GRAMD1B: variants seen among roughly 807,000 people sequenced by gnomAD.
GRAMD1B encodes protein Aster-B.
In GRAMD1B, 37 loss-of-function variants were observed where a neutral mutation model predicts 99.7. The observed-to-expected ratio is 0.37, with a 90% CI of 0.29 to 0.49. The LOEUF is 0.49. Among genes scored for constraint, GRAMD1B ranks in the 20% least tolerant of loss-of-function variants. The pLI is 0.98. For missense variants in GRAMD1B, 888 were observed against 1,009.2 expected (o/e 0.88, Z 1.63); for synonymous variants, 427 against 387.6 (o/e 1.10, Z -1.19).
chr11:123,395,138 A>G (rs574443148), intron 1 of GRAMD1B, among the ~76,000 whole-genome samples: 3 of 152,314 alleles, frequency 2.0e-5, no homozygotes, highest in East Asian at 3.9e-4. Flanking sequence ...TTTAGCCAGG[A>G]TCTCAATGAA....
At chr11:123,480,671 T>C (rs1951546794) in intron 1 of GRAMD1B, 145 bp from the exon 2 acceptor site, 2 of 391,928 alleles carry the variant, frequency 5.1e-6, no homozygotes, top group Non-Finnish European at 9.0e-6. Flanking sequence ...TAACTGTGCA[T>C]TCTCTATGCT....
intron 2 of GRAMD1B, among the ~76,000 whole-genome samples, chr11:123,517,640 C>A (rs1399661528): frequency 6.8e-6 from 1 of 146,922 alleles, no homozygotes; most frequent in Non-Finnish European, 1.5e-5. Flanking sequence ...CCACAATACA[C>A]ACCACCGGGG....
intron 1 of GRAMD1B, among the ~76,000 whole-genome samples, chr11:123,471,672 C>T (rs982516774): frequency 5.9e-5 from 9 of 152,136 alleles, no homozygotes; most frequent in African/African-American, 1.9e-4. Flanking sequence ...CTGATAAAAC[C>T]AAGGAGAGGT....
chr11:123,528,599 A>G (rs1943034619), intron 2 of GRAMD1B, among the ~76,000 whole-genome samples: 2 of 152,156 alleles, frequency 1.3e-5, no homozygotes, highest in Non-Finnish European at 2.9e-5. Flanking sequence ...GGCTTACAGC[A>G]GGGTAAGTTT....
chr11:123,502,941 G>T (rs532092960), intron 2 of GRAMD1B, among the ~76,000 whole-genome samples: 2 of 152,240 alleles, frequency 1.3e-5, no homozygotes, highest in South Asian at 4.1e-4. Context: ...GTAGAGTATT[G>T]GTTGTTTGCT....
intron 3 of GRAMD1B, 67 bp downstream of exon 3, chr11:123,577,644 G>C: frequency 8.1e-7 from 1 of 1,227,756 alleles, no homozygotes; most frequent in Admixed American, 2.0e-5. Context: ...TTGGGGTGGT[G>C]AGCCGGAGAA....
chr11:123,613,719 C>A, intron 16 of GRAMD1B, 61 bp downstream of exon 16: 2 of 1,183,700 alleles, frequency 1.7e-6, no homozygotes, highest in Non-Finnish European at 2.5e-6. Flanking sequence ...TGCATGCCCA[C>A]ACCAAGGCAC....
intron 19 of GRAMD1B, among the ~76,000 whole-genome samples, chr11:123,620,212 G>C (rs953835368): frequency 6.6e-6 from 1 of 152,124 alleles, no homozygotes; most frequent in Admixed American, 6.5e-5. Flanking sequence ...GGTGGGTCAC[G>C]CCTATAATCC....
chr11:123,415,624 T>C (rs1395967208), intron 1 of GRAMD1B, among the ~76,000 whole-genome samples: 1 of 152,144 alleles, frequency 6.6e-6, no homozygotes, highest in Non-Finnish European at 1.5e-5. Flanking sequence ...CATGCAATTC[T>C]CTGCCAGGGT....
chr11:123,392,642 T>A (rs1947321725), intron 1 of GRAMD1B, among the ~76,000 whole-genome samples: 1 of 152,168 alleles, frequency 6.6e-6, no homozygotes, highest in South Asian at 2.1e-4. Flanking sequence ...CTATAAAGTC[T>A]GTGTCTTAGT....
At chr11:123,572,118 A>G (rs1161502149) in intron 2 of GRAMD1B, among the ~76,000 whole-genome samples, 2 of 152,158 alleles carry the variant, frequency 1.3e-5, no homozygotes, top group African/African-American at 4.8e-5. Flanking sequence ...GAAGAGCCAG[A>G]TCCAAAGTCA....
intron 14 of GRAMD1B, among the ~76,000 whole-genome samples, chr11:123,611,877 T>A: frequency 6.6e-6 from 1 of 152,106 alleles, no homozygotes; most frequent in South Asian, 2.1e-4. Flanking sequence ...CGGGATGGAT[T>A]AGCTGGGAGA....
chr11:123,509,023 ACTTG>A (rs1940719379), intron 2 of GRAMD1B, among the ~76,000 whole-genome samples: 1 of 151,918 alleles, frequency 6.6e-6, no homozygotes, highest in South Asian at 2.1e-4. Context: ...TTTATCTAAC[ACTTG>A]CTTTGTTGTT....
Position 123,438,290 on chromosome 11 carries a change from C to G in GRAMD1B, c.374+7124C>G, listed in dbSNP as rs565560537. On this transcript the variant is annotated intron_variant, in intron 1 of 19. Coordinates refer to ENST00000635736, the MANE Select transcript of GRAMD1B (RefSeq NM_001387025.1). The stretch of plus-strand genomic sequence containing the variant: ...ACAGAAGCAAGGCTGGGATTTGAAG[C>G]GTGTCCTAATTCCAAAGCCTGAGCT... 2.0e-5 allele frequency among the ~76,000 whole-genome samples: 3 copies of G among 152,318 alleles called. No homozygotes were observed. In the South Asian group the frequency reaches 6.2e-4, roughly 32 times the overall value.
intron 1 of GRAMD1B, among the ~76,000 whole-genome samples, chr11:123,418,984 C>T (rs1055448286): frequency 2.6e-5 from 4 of 152,142 alleles, no homozygotes; most frequent in African/African-American, 9.7e-5. Context: ...GTGGGAGGAA[C>T]ATGCACATCA....
At chr11:123,497,456 A>G (rs1939413912) in intron 2 of GRAMD1B, among the ~76,000 whole-genome samples, 1 of 152,206 alleles carries the variant, frequency 6.6e-6, no homozygotes. Flanking sequence ...CTAGGGCTCT[A>G]CAATCAGCTG....
At chr11:123,419,736 T>TA (rs1948359970) in intron 1 of GRAMD1B, among the ~76,000 whole-genome samples, 1 of 111,506 alleles carries the variant, frequency 9.0e-6, no homozygotes, top group Non-Finnish European at 1.9e-5. Flanking sequence ...TGTGTGTGTG[T>TA]GTGTGTGTGT....
rs6144546 is a variant in GRAMD1B at position 123,524,318 on chromosome 11, TTTTTA to T, written c.452+43455_452+43459del. 5.2e-3 allele frequency among the ~76,000 whole-genome samples: 719 copies of T among 137,618 alleles called. 9 individuals are homozygous for T. Among genetic ancestry groups the T allele is most frequent in the African/African-American group, 0.017 (650 of 39,010 alleles). 90.3% of individuals were successfully genotyped at this position (137,618 alleles called of 152,430 possible). A position where few individuals can be genotyped will look rare whatever the true frequency, so the allele number is the denominator to read the frequency against. ...ACGAGGGTCTGCACTCCAGTTTTTA[TTTTTA>T]TTTTATTTTATTTTATTTTATTTTA... On this transcript the variant is annotated intron_variant, in intron 2 of 19. Transcript: ENST00000635736.
chr11:123,451,146 T>C (rs998023787), intron 1 of GRAMD1B, among the ~76,000 whole-genome samples: 5 of 152,160 alleles, frequency 3.3e-5, no homozygotes, highest in Non-Finnish European at 7.3e-5. Flanking sequence ...ATCTCTTAAT[T>C]TGAGTAGCAC....
Sources: allele counts gnomAD v4.1 joint callset (sites outside exome capture counted in the v4.1 genomes callset), GRCh38; gene constraint gnomAD v4.1.1; transcripts MANE v1.5; gene names NCBI Gene and HGNC (gene_info 2026-07-23, HGNC 2026-07-21).